The following SNX29 variants were observed in gnomAD, a reference collection of about 807,000 sequenced individuals.
SNX29 encodes the protein sorting nexin-29.
A neutral mutation model predicts 102.1 loss-of-function variants in SNX29; 78 were observed. That is an observed-to-expected ratio of 0.76 (90% CI 0.64 to 0.92). The LOEUF (loss-of-function observed/expected upper bound fraction) is 0.92, where lower values mean the gene tolerates loss of function less well. SNX29 is among the 40% of genes least tolerant of loss of function. The pLI is 0.00. For missense variants in SNX29, 1,280 were observed against 1,061.7 expected (o/e 1.21, Z -2.86); for synonymous variants, 580 against 414.5 (o/e 1.40, Z -4.85).
chr16:12,130,343 C>T (rs185169332), intron 13 of SNX29, among the ~76,000 whole-genome samples: 24 of 151,612 alleles, frequency 1.6e-4, no homozygotes, highest in Admixed American at 6.6e-4. Context: ...GGAGTGGTGA[C>T]GGACGCCTGT....
chr16:12,300,590 A>T (rs1225123043), intron 15 of SNX29, among the ~76,000 whole-genome samples: 4 of 152,350 alleles, frequency 2.6e-5, no homozygotes, highest in South Asian at 2.1e-4. Flanking sequence ...AGCAGCTAAA[A>T]AAAGAATGAT....
intron 11 of SNX29, among the ~76,000 whole-genome samples, chr16:12,122,477 A>T (rs1361273965): frequency 6.6e-6 from 1 of 152,038 alleles, no homozygotes; most frequent in African/African-American, 2.4e-5. Context: ...TGCTCAGAAA[A>T]GGCGCTCCCC....
chr16:12,475,189 A>G (rs1033692375), intron 18 of SNX29, among the ~76,000 whole-genome samples: 1 of 152,232 alleles, frequency 6.6e-6, no homozygotes, highest in African/African-American at 2.4e-5. Context: ...TTTGTGCATT[A>G]CATCAGGGGT....
chr16:12,415,477 C>A (rs1331627834), intron 18 of SNX29, among the ~76,000 whole-genome samples: 1 of 152,246 alleles, frequency 6.6e-6, no homozygotes. Context: ...CCCTCACCTA[C>A]TGCCTGGACA....
At chr16:12,173,590 T>C (rs2076197310) in intron 13 of SNX29, among the ~76,000 whole-genome samples, 1 of 152,194 alleles carries the variant, frequency 6.6e-6, no homozygotes, top group African/African-American at 2.4e-5. Context: ...TAGCTTCCTC[T>C]ACGTCCCAAT....
At chr16:12,443,289 ACTACT>A (rs2085893754) in intron 18 of SNX29, 1 of 211,836 alleles carries the variant, frequency 4.7e-6, no homozygotes, top group African/African-American at 2.3e-5. Flanking sequence ...TTCCTCCCTG[ACTACT>A]CTACCAACCC....
chr16:12,011,563 C>T (rs1026895780), intron 3 of SNX29, among the ~76,000 whole-genome samples: 2 of 152,150 alleles, frequency 1.3e-5, no homozygotes, highest in African/African-American at 4.8e-5. Context: ...GCGTGAGTCA[C>T]TATGCCTGGC....
At chr16:12,568,441 T>G (rs1050710805) in intron 20 of SNX29, 65 bp from the exon 21 acceptor site, 8 of 1,591,190 alleles carry the variant, frequency 5.0e-6, no homozygotes, top group Non-Finnish European at 5.1e-6. Flanking sequence ...TGGCTCCCCT[T>G]CCTGGCCTGT....
At chr16:12,310,106 A>G (rs1224321200) in intron 15 of SNX29, among the ~76,000 whole-genome samples, 1 of 108,990 alleles carries the variant, frequency 9.2e-6, no homozygotes, top group Non-Finnish European at 2.0e-5. Flanking sequence ...ACACATGCAC[A>G]CATACACGTG....
intron 16 of SNX29, among the ~76,000 whole-genome samples, chr16:12,372,134 A>G (rs910069886): frequency 6.6e-6 from 1 of 152,230 alleles, no homozygotes; most frequent in Non-Finnish European, 1.5e-5. Context: ...ATAGGCAGGC[A>G]TATATATACA....
intron 15 of SNX29, among the ~76,000 whole-genome samples, chr16:12,312,892 A>G (rs1032851359): frequency 2.6e-5 from 4 of 152,134 alleles, no homozygotes; most frequent in African/African-American, 9.7e-5. Context: ...ACTGCTTTAA[A>G]AGCCCTTTCA....
chr16:12,206,384 CAAAA>C (rs59859762), intron 14 of SNX29, among the ~76,000 whole-genome samples: 5 of 92,134 alleles, frequency 5.4e-5, no homozygotes, highest in East Asian at 5.5e-4. Flanking sequence ...AAATAGCTTT[CAAAA>C]AAAAAAAAAA....
At chr16:12,029,951 A>G (rs1161370321) in intron 4 of SNX29, among the ~76,000 whole-genome samples, 1 of 152,148 alleles carries the variant, frequency 6.6e-6, no homozygotes, top group Non-Finnish European at 1.5e-5. Flanking sequence ...TTGGCAGTCA[A>G]TTACAAGGTG....
At chr16:12,229,419 C>T (rs937817608) in intron 14 of SNX29, among the ~76,000 whole-genome samples, 15 of 152,078 alleles carry the variant, frequency 9.9e-5, no homozygotes, top group Admixed American at 1.3e-4. Context: ...TGCGGCTAAG[C>T]GAAGAAAAAG....
intron 16 of SNX29, among the ~76,000 whole-genome samples, chr16:12,378,513 G>A (rs2082959871): frequency 2.0e-5 from 3 of 152,168 alleles, no homozygotes; most frequent in African/African-American, 7.2e-5. Context: ...GCCGGGTGTG[G>A]TGATGTGTGC....
chr16:12,483,741 C>G (rs988421373), intron 19 of SNX29, among the ~76,000 whole-genome samples: 104 of 152,332 alleles, frequency 6.8e-4, no homozygotes, highest in African/African-American at 2.4e-3. Context: ...TGGGTTGGCT[C>G]TGGGCTCTGC....
rs528367031 is a variant in SNX29, at chr16:12,569,635, AAG to A, written c.*1008_*1009del. On this transcript the variant is annotated 3_prime_UTR_variant, in exon 21 of 21. Coordinates refer to ENST00000566228, the MANE Select transcript of SNX29 (RefSeq NM_032167.5). ...TTGATAACAGAACTCTGCATCCCCT[AAG>A]ACAGAGTCCTCTGTTCCTCCCATGT... The A allele has an allele frequency of 1.7e-3, 383 of 228,508 alleles. No individual in the cohort carries two copies. Among genetic ancestry groups the A allele is most frequent in the African/African-American group, 8.2e-3 (367 of 44,908 alleles). 14.2% of individuals were successfully genotyped at this position (228,508 alleles called of 1,614,324 possible). A position where few individuals can be genotyped will look rare whatever the true frequency, so the allele number is the denominator to read the frequency against.
intron 18 of SNX29, among the ~76,000 whole-genome samples, chr16:12,462,164 C>T (rs1223156219): frequency 6.6e-6 from 1 of 151,308 alleles, no homozygotes; most frequent in Non-Finnish European, 1.5e-5. Flanking sequence ...TGCCATAGGT[C>T]TAGTCCCCAG....
At chr16:12,014,727 C>T (rs1273191130) in intron 3 of SNX29, among the ~76,000 whole-genome samples, 16 of 126,408 alleles carry the variant, frequency 1.3e-4, no homozygotes, top group Admixed American at 1.8e-4. Context: ...AATGAAGCTC[C>T]GTCTCAAAAA....
Sources: gnomAD v4.1 joint callset for allele counts (sites outside exome capture counted in the v4.1 genomes callset) on GRCh38, gnomAD v4.1.1 for gene constraint, MANE v1.5 for transcripts, NCBI Gene and HGNC (gene_info 2026-07-23, HGNC 2026-07-21) for gene names.